WDPCP: variants seen among roughly 807,000 people sequenced by gnomAD.
The protein encoded by WDPCP is WD repeat containing planar cell polarity effector.
WDPCP carries 71 observed loss-of-function variants against 93.1 expected under a neutral mutation model. The ratio of observed to expected loss-of-function variants is 0.76; its 90% confidence interval spans 0.63 to 0.93. WDPCP has a LOEUF of 0.93. Among genes scored for constraint, WDPCP ranks in the 40% least tolerant of loss-of-function variants. The pLI is 0.00. For missense variants in WDPCP, 844 were observed against 887.4 expected (o/e 0.95, Z 0.62); for synonymous variants, 315 against 315.0 (o/e 1.00, Z 0.00).
chr2:63,292,048 G>A (rs1215267978), intron 13 of WDPCP, among the ~76,000 whole-genome samples: 2 of 149,174 alleles, frequency 1.3e-5, no homozygotes, highest in East Asian at 4.0e-4. Context: ...CAGGAGAATG[G>A]CGTGAACCCG....
intron 14 of WDPCP, among the ~76,000 whole-genome samples, chr2:63,243,089 CT>C (rs1176111726): frequency 6.6e-6 from 1 of 152,174 alleles, no homozygotes; most frequent in Non-Finnish European, 1.5e-5. Context: ...GACTATTTCA[CT>C]TCATAACTGT....
intron 2 of WDPCP, among the ~76,000 whole-genome samples, chr2:63,686,754 A>C (rs959619006): frequency 5.3e-5 from 8 of 152,254 alleles, no homozygotes; most frequent in African/African-American, 1.9e-4. Context: ...TACAGAACCC[A>C]GAAATAAATT....
intron 1 of WDPCP, among the ~76,000 whole-genome samples, chr2:63,822,689 C>A (rs1305060052): frequency 6.6e-6 from 1 of 151,800 alleles, no homozygotes; most frequent in Non-Finnish European, 1.5e-5. Flanking sequence ...AGTTTGTGAC[C>A]CGCCTGGGCA....
At chr2:63,770,828 A>G (rs904001203) in intron 2 of WDPCP, among the ~76,000 whole-genome samples, 9 of 151,980 alleles carry the variant, frequency 5.9e-5, no homozygotes, top group African/African-American at 1.9e-4. Flanking sequence ...AAAGACTCCA[A>G]CTGTCTTCGA....
rs527618643 is a variant in WDPCP, at chr2:63,132,002, T to C, written c.2191-9946A>G. 1.5e-3 allele frequency among the ~76,000 whole-genome samples: 222 copies of C among 151,790 alleles called. 1 individual carries two copies. The highest frequency in any genetic ancestry group is 5.2e-3 in the African/African-American group (216 of 41,392). On this transcript the variant is annotated intron_variant, in intron 17 of 17. Coordinates refer to ENST00000272321, the MANE Select transcript of WDPCP (RefSeq NM_015910.7). ...GGCGTGTGCCACCATGCCTGGCTAATATTTTGTATTTTTAGTAGAGATGGG... is the reference window on the plus strand; with the variant it reads ...GGCGTGTGCCACCATGCCTGGCTAACATTTTGTATTTTTAGTAGAGATGGG...
At chr2:63,235,429 A>G (rs1224598079) in intron 14 of WDPCP, among the ~76,000 whole-genome samples, 1 of 152,180 alleles carries the variant, frequency 6.6e-6, no homozygotes, top group Non-Finnish European at 1.5e-5. Context: ...ACAAAGAAGA[A>G]CTTGTACCAA....
chr2:63,685,201 C>T (rs551192284), intron 2 of WDPCP, among the ~76,000 whole-genome samples: 4 of 152,062 alleles, frequency 2.6e-5, no homozygotes, highest in South Asian at 4.2e-4. Flanking sequence ...ACAAAATTGA[C>T]AAACCCTTAG....
intron 2 of WDPCP, among the ~76,000 whole-genome samples, chr2:63,658,804 T>C (rs1710195226): frequency 6.6e-6 from 1 of 152,226 alleles, no homozygotes; most frequent in East Asian, 1.9e-4. Flanking sequence ...TATGAGCCAC[T>C]TTTTGTTGAT....
chr2:63,796,036 G>A (rs1308218714), intron 2 of WDPCP, among the ~76,000 whole-genome samples: 1 of 152,188 alleles, frequency 6.6e-6, no homozygotes, highest in Non-Finnish European at 1.5e-5. Context: ...GTTGTGCTGA[G>A]CAATGAGACG....
intron 14 of WDPCP, among the ~76,000 whole-genome samples, chr2:63,184,121 T>C (rs1440108387): frequency 1.3e-5 from 2 of 152,166 alleles, no homozygotes; most frequent in Non-Finnish European, 2.9e-5. Context: ...TATCTACTTA[T>C]GTACAATGTT....
At chr2:63,738,443 A>G (rs1456833358) in intron 2 of WDPCP, among the ~76,000 whole-genome samples, 1 of 151,248 alleles carries the variant, frequency 6.6e-6, no homozygotes, top group Non-Finnish European at 1.5e-5. Flanking sequence ...CTGTGCACAT[A>G]GATCTGCTTG....
intron 1 of WDPCP, among the ~76,000 whole-genome samples, chr2:63,570,243 T>C (rs1272881475): frequency 6.6e-6 from 1 of 152,236 alleles, no homozygotes; most frequent in Non-Finnish European, 1.5e-5. Flanking sequence ...ATGAAATATT[T>C]AACTTGGAAA....
At chr2:63,559,108 G>A (rs1308460961) in intron 1 of WDPCP, among the ~76,000 whole-genome samples, 1 of 152,082 alleles carries the variant, frequency 6.6e-6, no homozygotes, top group Non-Finnish European at 1.5e-5. Context: ...TTCATTCCTG[G>A]AATGCAAGGC....
rs757553495 is a variant in WDPCP, at chr2:63,588,212, G to A, written c.60C>T (p.Ser20=). ...CAGGGCTCACCTGTCTCGGGAGTGG[G>A]GAAGAAGCGCGACTCCCGGCCGCTT... ...YSKAAGSRAS[S]PLPRQDRDSF... is the part of the protein sequence containing the mutation. Residue 20 remains serine, a synonymous_variant, in exon 1 of 18, where the codon TCC becomes TCT. Coordinates refer to ENST00000272321, the MANE Select transcript of WDPCP (RefSeq NM_015910.7). 3 of 1,572,040 alleles carry A rather than the reference G, an allele frequency of 1.9e-6. No individual in the cohort carries two copies. Among genetic ancestry groups the A allele is most frequent in the East Asian group, 2.4e-5 (1 of 42,018 alleles).
At chr2:63,268,980 C>G (rs528737133) in intron 13 of WDPCP, among the ~76,000 whole-genome samples, 1 of 152,124 alleles carries the variant, frequency 6.6e-6, no homozygotes, top group East Asian at 1.9e-4. Context: ...ATAAAAGAAT[C>G]ATGCATCTTG....
intron 1 of WDPCP, among the ~76,000 whole-genome samples, chr2:63,515,306 C>T (rs7580247): frequency 0.016 from 2,395 of 152,178 alleles, 73 homozygotes; most frequent in African/African-American, 0.054. Context: ...TTTAGACTTA[C>T]GTAAAGTGCC....
intron 2 of WDPCP, among the ~76,000 whole-genome samples, chr2:63,721,009 G>A (rs1669406440): frequency 6.6e-6 from 1 of 152,226 alleles, no homozygotes; most frequent in African/African-American, 2.4e-5. Flanking sequence ...TATCTCATCT[G>A]ACATTTCAAG....
At chr2:63,130,205 A>G (rs1217448017) in intron 17 of WDPCP, among the ~76,000 whole-genome samples, 2 of 152,062 alleles carry the variant, frequency 1.3e-5, no homozygotes, top group African/African-American at 4.8e-5. Context: ...TCAATGCTAC[A>G]TTTTCTCCTA....
intron 2 of WDPCP, among the ~76,000 whole-genome samples, chr2:63,729,815 A>G (rs1669536183): frequency 6.6e-6 from 1 of 152,140 alleles, no homozygotes; most frequent in African/African-American, 2.4e-5. Context: ...AAAAAAAAAT[A>G]CAGTCAAAAG....
Sources: gnomAD v4.1 joint callset for allele counts (sites outside exome capture counted in the v4.1 genomes callset) on GRCh38, gnomAD v4.1.1 for gene constraint, MANE v1.5 for transcripts, NCBI Gene and HGNC (gene_info 2026-07-23, HGNC 2026-07-21) for gene names.